MAN1A1: variants seen among roughly 807,000 people sequenced by gnomAD.
MAN1A1 encodes mannosyl-oligosaccharide 1,2-alpha-mannosidase IA.
A neutral mutation model predicts 70.8 loss-of-function variants in MAN1A1; 29 were observed. The ratio of observed to expected loss-of-function variants is 0.41; its 90% CI spans 0.31 to 0.56. The LOEUF (loss-of-function observed/expected upper bound fraction) is 0.56, where lower values mean the gene tolerates loss of function less well. Among genes scored for constraint, MAN1A1 ranks in the 20% least tolerant of loss-of-function variants. The pLI is 0.29. For missense variants in MAN1A1, 747 were observed against 841.3 expected (o/e 0.89, Z 1.39); for synonymous variants, 349 against 330.1 (o/e 1.06, Z -0.62).
intron 2 of MAN1A1, among the ~76,000 whole-genome samples, chr6:119,308,470 A>G (rs1292204910): frequency 6.6e-6 from 1 of 152,144 alleles, no homozygotes; most frequent in Non-Finnish European, 1.5e-5. Flanking sequence ...GCCACTGATG[A>G]GTCACATACT....
chr6:119,219,250 C>A (rs1774292172), intron 6 of MAN1A1, among the ~76,000 whole-genome samples: 2 of 150,750 alleles, frequency 1.3e-5, no homozygotes, highest in African/African-American at 4.8e-5. Context: ...AAGGGAAAAT[C>A]ATTGCATTTA....
intron 11 of MAN1A1, among the ~76,000 whole-genome samples, chr6:119,181,819 G>C (rs1458239722): frequency 6.6e-6 from 1 of 152,112 alleles, no homozygotes; most frequent in African/African-American, 2.4e-5. Context: ...TACTTCTGTG[G>C]ATATACACCA....
chr6:119,337,467 G>A (rs1352871689), intron 2 of MAN1A1, among the ~76,000 whole-genome samples: 1 of 152,132 alleles, frequency 6.6e-6, no homozygotes, highest in Non-Finnish European at 1.5e-5. Flanking sequence ...TTATGGGCAG[G>A]GCCCAGAGCT....
At chr6:119,278,664 C>T (rs771261898) in intron 5 of MAN1A1, among the ~76,000 whole-genome samples, 4 of 152,060 alleles carry the variant, frequency 2.6e-5, no homozygotes, top group African/African-American at 4.8e-5. Flanking sequence ...ATGTGCCCCC[C>T]CCAGTGTTGG....
intron 8 of MAN1A1, among the ~76,000 whole-genome samples, chr6:119,195,602 T>C (rs77591212): frequency 0.047 from 7,089 of 152,258 alleles, 207 homozygotes; most frequent in East Asian, 0.082. Flanking sequence ...TCCACAAGAT[T>C]ATGAACCAAG....
intron 6 of MAN1A1, among the ~76,000 whole-genome samples, chr6:119,214,041 T>C (rs1774126751): frequency 6.6e-6 from 1 of 152,184 alleles, no homozygotes; most frequent in Admixed American, 6.6e-5. Context: ...CTTGGCTCAC[T>C]GCAACCTCCG....
At chr6:119,260,871 G>T (rs1775587856) in intron 5 of MAN1A1, among the ~76,000 whole-genome samples, 1 of 151,756 alleles carries the variant, frequency 6.6e-6, no homozygotes, top group Non-Finnish European at 1.5e-5. Context: ...TAGTTTGGCA[G>T]GCAAATGCCT....
intron 11 of MAN1A1, among the ~76,000 whole-genome samples, chr6:119,180,785 A>G (rs1773132826): frequency 6.6e-6 from 1 of 152,148 alleles, no homozygotes; most frequent in East Asian, 1.9e-4. Flanking sequence ...AAGAGTTGGG[A>G]TTACAGCCAT....
chr6:119,337,310 T>C (rs549284211), intron 2 of MAN1A1, among the ~76,000 whole-genome samples: 18 of 152,170 alleles, frequency 1.2e-4, no homozygotes, highest in African/African-American at 3.9e-4. Flanking sequence ...CATGAGTATA[T>C]ACATTAGAAA....
intron 11 of MAN1A1, among the ~76,000 whole-genome samples, chr6:119,183,719 TC>T (rs1197512854): frequency 6.6e-6 from 1 of 152,088 alleles, no homozygotes; most frequent in Admixed American, 6.5e-5. Context: ...TAATCACCTT[TC>T]TTTCTAGTTC....
chr6:119,304,909 A>C (rs1164469453), intron 3 of MAN1A1, among the ~76,000 whole-genome samples: 1 of 151,910 alleles, frequency 6.6e-6, no homozygotes, highest in Non-Finnish European at 1.5e-5. Flanking sequence ...TATTACACAG[A>C]TAAGAAATTT....
intron 6 of MAN1A1, among the ~76,000 whole-genome samples, chr6:119,223,145 C>T (rs1363640136): frequency 3.3e-5 from 5 of 151,654 alleles, no homozygotes; most frequent in Non-Finnish European, 7.4e-5. Flanking sequence ...AAAATTAGTT[C>T]CCTATAGTGG....
At chr6:119,232,446 A>G (rs1452672647) in intron 6 of MAN1A1, among the ~76,000 whole-genome samples, 2 of 151,790 alleles carry the variant, frequency 1.3e-5, no homozygotes, top group African/African-American at 2.4e-5. Flanking sequence ...ACAGAGTGAT[A>G]GCCTACAATG....
intron 2 of MAN1A1, chr6:119,332,054 A>G (rs537029741): frequency 4.5e-6 from 2 of 440,062 alleles, no homozygotes; most frequent in African/African-American, 4.0e-5. Context: ...TTCTGAGAAA[A>G]ACCAAATACT....
chr6:119,194,142 C>T (rs184878025), intron 8 of MAN1A1, among the ~76,000 whole-genome samples: 165 of 152,212 alleles, frequency 1.1e-3, no homozygotes, highest in African/African-American at 3.9e-3. Flanking sequence ...TATGTAATTA[C>T]CCCTAATTCT....
intron 5 of MAN1A1, among the ~76,000 whole-genome samples, chr6:119,259,782 T>C (rs1330625679): frequency 6.6e-6 from 1 of 152,146 alleles, no homozygotes; most frequent in Non-Finnish European, 1.5e-5. Context: ...ATCTACAAAA[T>C]GGAAAAACAT....
chr6:119,273,358 C>T (rs1775975831), intron 5 of MAN1A1, among the ~76,000 whole-genome samples: 1 of 152,170 alleles, frequency 6.6e-6, no homozygotes, highest in Non-Finnish European at 1.5e-5. Context: ...CTATATTTTC[C>T]ATAGCTGAAA....
chr6:119,285,137 C>CTT (rs1554211815), intron 5 of MAN1A1, among the ~76,000 whole-genome samples: 8 of 70,298 alleles, frequency 1.1e-4, no homozygotes, highest in African/African-American at 3.6e-4. Flanking sequence ...AGGTAGCAGA[C>CTT]TTTTTTTTTT....
At chr6:119,336,455 A>G (rs780551103) in intron 2 of MAN1A1, among the ~76,000 whole-genome samples, 3 of 152,222 alleles carry the variant, frequency 2.0e-5, no homozygotes, top group Non-Finnish European at 4.4e-5. Context: ...GAGGACCATT[A>G]AAACCTGAGT....
Sources: gnomAD v4.1 joint callset for allele counts (sites outside exome capture counted in the v4.1 genomes callset) on GRCh38, gnomAD v4.1.1 for gene constraint, MANE v1.5 for transcripts, NCBI Gene and HGNC (gene_info 2026-07-23, HGNC 2026-07-21) for gene names.